IQSEC1: variants seen among roughly 807,000 people sequenced by gnomAD.
IQSEC1 encodes the protein IQ motif and SEC7 domain-containing protein 1.
In IQSEC1, 31 loss-of-function variants were observed where a neutral mutation model predicts 91.0. The observed-to-expected ratio is 0.34, with a 90% CI of 0.26 to 0.46. The LOEUF (loss-of-function observed/expected upper bound fraction) is 0.46. Ranked by LOEUF, IQSEC1 falls within the 20% of genes least tolerant of loss-of-function variation. IQSEC1 has a pLI of 1.00. For synonymous variants in IQSEC1, 699 were observed against 662.6 expected (o/e 1.05, Z -0.84); for missense variants, 1,388 against 1,575.6 (o/e 0.88, Z 2.02).
rs577806112 is a variant in IQSEC1 at position 13,086,548 on chromosome 3, G to A, written c.303-39026C>T. Among the ~76,000 whole-genome samples the A allele has an allele frequency of 2.6e-5, 4 of 152,254 alleles. 1 individual carries two copies. The highest frequency in any genetic ancestry group is 2.6e-4 in the Admixed American group (4 of 15,302). On this transcript the variant is annotated intron_variant, in intron 2 of 15. Transcript: ENST00000648114. ...GCCTATTTCTGTATTGCGGTGTATCGTGGTAAATGCAAATCAGACCCATCC... is the reference window on the plus strand; with the variant it reads ...GCCTATTTCTGTATTGCGGTGTATCATGGTAAATGCAAATCAGACCCATCC...
At chr3:13,221,807 C>A (rs1463477573) in intron 1 of IQSEC1, among the ~76,000 whole-genome samples, 1 of 152,246 alleles carries the variant, frequency 6.6e-6, no homozygotes, top group Non-Finnish European at 1.5e-5. Flanking sequence ...CTGCAGTCAG[C>A]GATCTGGAAA....
chr3:12,902,599 G>A (rs1694444690), intron 13 of IQSEC1, among the ~76,000 whole-genome samples, 174 bp downstream of exon 13: 1 of 147,612 alleles, frequency 6.8e-6, no homozygotes, highest in Non-Finnish European at 1.5e-5. Context: ...GGCAGGGGCA[G>A]GGAGTGGGTG....
intron 1 of IQSEC1, among the ~76,000 whole-genome samples, chr3:13,171,030 G>A (rs1011409172): frequency 1.1e-4 from 17 of 152,012 alleles, no homozygotes; most frequent in Admixed American, 9.2e-4. Context: ...AACCCAGGAG[G>A]CGGAGGTTGC....
chr3:13,068,494 C>G (rs1476598903), intron 1 of IQSEC1, among the ~76,000 whole-genome samples: 1 of 152,222 alleles, frequency 6.6e-6, no homozygotes, highest in African/African-American at 2.4e-5. Flanking sequence ...GCTCATGACA[C>G]CCCCTCATGG....
chr3:12,917,601 T>C (rs1297271226), intron 6 of IQSEC1, among the ~76,000 whole-genome samples: 6 of 152,242 alleles, frequency 3.9e-5, no homozygotes, highest in Non-Finnish European at 8.8e-5. Flanking sequence ...CTGAGCACTA[T>C]TCCACTGTCT....
intron 1 of IQSEC1, among the ~76,000 whole-genome samples, chr3:13,202,836 T>G (rs1043083693): frequency 6.6e-6 from 1 of 152,210 alleles, no homozygotes; most frequent in Non-Finnish European, 1.5e-5. Context: ...ACCCCTACTG[T>G]GAGGGCTGGA....
chr3:13,219,040 C>T (rs1694602662), intron 1 of IQSEC1, among the ~76,000 whole-genome samples: 1 of 152,202 alleles, frequency 6.6e-6, no homozygotes, highest in Non-Finnish European at 1.5e-5. Context: ...GCAGCTTTCC[C>T]CTGGGCCACC....
At chr3:12,911,078 A>G (rs564069349) in intron 10 of IQSEC1, among the ~76,000 whole-genome samples, 1 of 152,338 alleles carries the variant, frequency 6.6e-6, no homozygotes, top group East Asian at 1.9e-4. Context: ...CAGGGCATCA[A>G]AATTAACCCT....
chr3:12,951,961 C>T (rs1193648850), intron 1 of IQSEC1, among the ~76,000 whole-genome samples: 2 of 152,142 alleles, frequency 1.3e-5, no homozygotes, highest in African/African-American at 4.8e-5. Context: ...GGAGCCCTCA[C>T]ATGGAAAGAT....
intron 1 of IQSEC1, among the ~76,000 whole-genome samples, chr3:13,041,292 C>T (rs891179399): frequency 1.6e-4 from 25 of 152,248 alleles, no homozygotes; most frequent in African/African-American, 6.0e-4. Flanking sequence ...TCTGATGTGG[C>T]TTGCACTAAT....
At chr3:13,087,506 G>A (rs1336032381) in intron 2 of IQSEC1, among the ~76,000 whole-genome samples, 1 of 152,164 alleles carries the variant, frequency 6.6e-6, no homozygotes, top group Non-Finnish European at 1.5e-5. Context: ...AGGAGACCGT[G>A]AATCAATCCC....
intron 1 of IQSEC1, among the ~76,000 whole-genome samples, chr3:12,944,618 C>G (rs1450438060): frequency 6.6e-6 from 1 of 152,244 alleles, no homozygotes; most frequent in Non-Finnish European, 1.5e-5. Context: ...GGAAGCACTT[C>G]AGTCAGGCGC....
Position 12,908,451 on chromosome 3 carries a change from T to G in IQSEC1, c.2653A>C (p.Asn885His). 3.1e-6 allele frequency: 5 copies of G among 1,613,632 alleles called. No individual in the cohort carries two copies. The East Asian group carries it at 1.1e-4, about 36-fold the overall frequency. The part of the protein sequence containing the change: ...QCSSLKKESG[N>H]GTLSRACLDD... Reference sequence around the variant, plus strand: ...AGGCAGGCCCGGCTCAGTGTTCCGTTGCCCGACTCCTTTTTGAGGCTAGAG... The same window carrying G: ...AGGCAGGCCCGGCTCAGTGTTCCGTGGCCCGACTCCTTTTTGAGGCTAGAG... The change falls in exon 12 of 14, where the codon AAC (asparagine) becomes CAC (histidine). Residue 885 changes from asparagine (N) to histidine (H), a missense_variant. Physicochemically the swap from Asn to His is moderately conservative, Grantham distance 68. Around this residue, in one of 2 missense-constraint regions of IQSEC1, gnomAD observed 1,059 missense variants for 1,317.8 expected, o/e 0.80. Coordinates refer to ENST00000613206, the MANE Select transcript of IQSEC1 (RefSeq NM_001134382.3). This position sits in a 1 kb window ranked among gnomAD's most constrained non-coding sequence, Gnocchi z 4.9.
At position 12,922,952 on chromosome 3, in the gene IQSEC1, G is replaced by A. The variant is rs1032666648; in HGVS notation, c.1731-710C>T. Among the ~76,000 whole-genome samples the A allele has an allele frequency of 2.0e-5, 3 of 152,114 alleles. No homozygotes were observed. Among genetic ancestry groups the A allele is most frequent in the African/African-American group, 4.8e-5 (2 of 41,406 alleles). ...TGGCCAAGCTCCCTAATGATGCTGC[G>A]GTCACTCCCATGGGGCAGAGAGAGG... On this transcript the variant is annotated intron_variant, in intron 4 of 13. Transcript: ENST00000613206. This position sits in a 1 kb window ranked among gnomAD's most constrained non-coding sequence, Gnocchi z 5.1.
intron 1 of IQSEC1, among the ~76,000 whole-genome samples, chr3:13,031,701 G>A (rs954997385): frequency 2.0e-5 from 3 of 151,810 alleles, no homozygotes; most frequent in Admixed American, 1.3e-4. Context: ...GGACAAAAAC[G>A]CTAAGCAAAT....
At chr3:13,028,820 G>C (rs899584495) in intron 1 of IQSEC1, among the ~76,000 whole-genome samples, 1 of 152,230 alleles carries the variant, frequency 6.6e-6, no homozygotes, top group Non-Finnish European at 1.5e-5. Context: ...GTTGGAGATG[G>C]AGAATGGAGT....
intron 1 of IQSEC1, among the ~76,000 whole-genome samples, chr3:13,005,702 A>G (rs1202257256): frequency 1.3e-5 from 2 of 152,214 alleles, no homozygotes; most frequent in Admixed American, 1.3e-4. Flanking sequence ...ATAGCCACCT[A>G]TAGCTGGTGG....
intron 1 of IQSEC1, among the ~76,000 whole-genome samples, chr3:13,044,462 T>A: frequency 6.6e-6 from 1 of 152,174 alleles, no homozygotes; most frequent in East Asian, 1.9e-4. Flanking sequence ...GCTTTCCAAA[T>A]GGCTGGGTCC....
At chr3:13,014,266 G>A (rs1403494528) in intron 1 of IQSEC1, among the ~76,000 whole-genome samples, 2 of 152,154 alleles carry the variant, frequency 1.3e-5, no homozygotes, top group Non-Finnish European at 2.9e-5. Context: ...AGTCACCTAC[G>A]CCCACAGGGA....
Sources: allele counts gnomAD v4.1 joint callset (sites outside exome capture counted in the v4.1 genomes callset), GRCh38; gene constraint gnomAD v4.1.1; regional missense constraint gnomAD v4.1.1; non-coding constraint Gnocchi (gnomAD v3.1); transcripts MANE v1.5; gene names NCBI Gene and HGNC (gene_info 2026-07-23, HGNC 2026-07-21).